Variants in CCDC18 observed in about 807,000 individuals in gnomAD.
CCDC18 encodes the protein coiled-coil domain-containing protein 18.
CCDC18 carries 157 observed loss-of-function variants against 196.0 expected under a neutral mutation model. The ratio of observed to expected loss-of-function variants is 0.80; its 90% CI spans 0.70 to 0.91. CCDC18 has a LOEUF of 0.91. Ranked by LOEUF, CCDC18 falls within the 40% of genes least tolerant of loss-of-function variation. CCDC18 has a pLI of 0.00. For missense variants in CCDC18, 1,465 were observed against 1,611.6 expected (o/e 0.91, Z 1.56); for synonymous variants, 482 against 529.2 (o/e 0.91, Z 1.22).
At chr1:93,193,891 T>C (rs1354151410) in intron 6 of CCDC18, 147 bp downstream of exon 6, 5 of 561,362 alleles carry the variant, frequency 8.9e-6, no homozygotes, top group Non-Finnish European at 1.4e-5. Flanking sequence ...CTATTAATTT[T>C]TTTAAATTTT....
chr1:93,263,455 TCTCA>T (rs1056362631), intron 26 of CCDC18, among the ~76,000 whole-genome samples: 3 of 152,160 alleles, frequency 2.0e-5, no homozygotes, highest in African/African-American at 7.2e-5. Flanking sequence ...AAATTTCTTC[TCTCA>T]GAGACCCTAA....
rs768798172 is a variant in CCDC18, at chr1:93,239,747, G to C, written c.2832G>C (p.Arg944=). ...AACTAACAGAAGCCTTGCAAAAACG[G>C]GAAGTACTTGAGACTGAACTACAAA... ...ETELTEALQK[R]EVLETELQNA... The change falls in exon 21 of 29, where the codon CGG becomes CGC. Residue 944 remains arginine (R), a synonymous_variant. Coordinates refer to ENST00000690025, the MANE Select transcript of CCDC18 (RefSeq NM_001378204.1). 25 of 1,613,596 alleles carry C rather than the reference G, an allele frequency of 1.5e-5. No homozygotes were observed. The East Asian group carries it at 5.6e-4, about 36-fold the overall frequency.
upstream of CCDC18, chr1:93,180,468 C>T (rs1215455108): frequency 2.1e-6 from 3 of 1,458,074 alleles, no homozygotes; most frequent in African/African-American, 4.4e-5. Context: ...CCGCCTCAGT[C>T]TCGGCCCCCT....
intron 11 of CCDC18, among the ~76,000 whole-genome samples, chr1:93,214,308 T>C (rs1388354619): frequency 6.6e-6 from 1 of 152,172 alleles, no homozygotes; most frequent in African/African-American, 2.4e-5. Context: ...GATTCACTCT[T>C]TGGAGCTTTT....
intron 26 of CCDC18, among the ~76,000 whole-genome samples, chr1:93,260,865 G>A (rs779623259): frequency 2.6e-5 from 4 of 152,190 alleles, no homozygotes; most frequent in East Asian, 1.9e-4. Flanking sequence ...GAGAACATGC[G>A]GTGTTTGGTT....
chr1:93,258,896 A>T lies in CCDC18; in HGVS notation c.3684+11A>T, dbSNP rs751579039. On this transcript the variant is annotated intron_variant, in intron 26 of 28. Coordinates refer to ENST00000690025, the MANE Select transcript of CCDC18 (RefSeq NM_001378204.1). Reference sequence around the variant, plus strand: ...GCTTATCATATGGAGGTAAAGAAAAATTTAATTTGTTTTGTTAGTGCCCAC... The same window carrying T: ...GCTTATCATATGGAGGTAAAGAAAATTTTAATTTGTTTTGTTAGTGCCCAC... 5 of 1,584,092 alleles carry T rather than the reference A, an allele frequency of 3.2e-6. No individual in the cohort carries two copies. Among genetic ancestry groups the T allele is most frequent in the Non-Finnish European group, 3.4e-6 (4 of 1,168,098 alleles).
At chr1:93,229,450 G>A (rs898455348) in intron 17 of CCDC18, among the ~76,000 whole-genome samples, 1 of 152,106 alleles carries the variant, frequency 6.6e-6, no homozygotes, top group Non-Finnish European at 1.5e-5. Context: ...ATCATATATA[G>A]CTACATTTTA....
At chr1:93,180,065 T>G (rs765790133), upstream of CCDC18, 2 of 1,612,970 alleles carry the variant, frequency 1.2e-6, no homozygotes, top group East Asian at 4.5e-5. Context: ...TGGTACTCGA[T>G]CTCCAGCGAG....
At chr1:93,226,835 A>C (rs1371712612) in intron 17 of CCDC18, among the ~76,000 whole-genome samples, 1 of 151,986 alleles carries the variant, frequency 6.6e-6, no homozygotes, top group Non-Finnish European at 1.5e-5. Flanking sequence ...TGCCTGGCCA[A>C]AATAATATCT....
chr1:93,268,303 G>T (rs993904881), intron 27 of CCDC18, among the ~76,000 whole-genome samples: 3 of 152,110 alleles, frequency 2.0e-5, no homozygotes, highest in African/African-American at 4.8e-5. Context: ...TTAAATGTTA[G>T]ACCTAAAACT....
intron 12 of CCDC18, among the ~76,000 whole-genome samples, chr1:93,215,624 G>GT (rs1204979024): frequency 6.6e-6 from 1 of 151,712 alleles, no homozygotes; most frequent in African/African-American, 2.4e-5. Context: ...GTCCAGCTAA[G>GT]TTTTTTTATT....
chr1:93,180,868 G>C lies in CCDC18; in HGVS notation c.-3+16G>C, dbSNP rs764752024. 19 of 1,365,450 alleles carry C rather than the reference G, an allele frequency of 1.4e-5. No individual in the cohort carries two copies. Among genetic ancestry groups the C allele is most frequent in the Non-Finnish European group, 1.9e-5 (19 of 1,021,950 alleles). 84.6% of individuals were successfully genotyped at this position (1,365,450 alleles called of 1,614,324 possible). A position where few individuals can be genotyped will look rare whatever the true frequency, so the allele number is the denominator to read the frequency against. On this transcript the variant is annotated intron_variant, in intron 1 of 28. Coordinates refer to ENST00000690025, the MANE Select transcript of CCDC18 (RefSeq NM_001378204.1). ...CAGTCGCCGGGTGGGTCTCTCCCCA[G>C]CGACGATTTGGGTGGTGAGCGACTG...
At chr1:93,195,231 T>C (rs1301054974) in intron 6 of CCDC18, among the ~76,000 whole-genome samples, 1 of 152,158 alleles carries the variant, frequency 6.6e-6, no homozygotes, top group African/African-American at 2.4e-5. Context: ...CTGGGCAGCA[T>C]GTGCAAAGGT....
At chr1:93,220,195 T>A (rs1657176290) in intron 14 of CCDC18, among the ~76,000 whole-genome samples, 1 of 152,162 alleles carries the variant, frequency 6.6e-6, no homozygotes, top group Non-Finnish European at 1.5e-5. Flanking sequence ...TGCAGATTTC[T>A]CATCAAAAAC....
In CCDC18 at chr1:93,180,789, G is replaced by A. The variant is rs753404655; in HGVS notation, c.-66G>A. On this transcript the variant is annotated 5_prime_UTR_variant, in exon 1 of 29. Coordinates refer to ENST00000690025, the MANE Select transcript of CCDC18 (RefSeq NM_001378204.1). Reference sequence around the variant, plus strand: ...GTTGTGTCCGAGGCTTCCACGCGCAGGGGCCCGGGAAAGGGTCAGAGGCTT... The same window carrying A: ...GTTGTGTCCGAGGCTTCCACGCGCAAGGGCCCGGGAAAGGGTCAGAGGCTT... 1.5e-6 allele frequency: 2 copies of A among 1,367,758 alleles called. No individual in the cohort carries two copies. The highest frequency in any genetic ancestry group is 1.9e-5 in the Admixed American group (1 of 52,590). The allele number at this position is 1,367,758 out of a possible 1,614,324, so 84.7% of individuals were successfully genotyped here. A position where few individuals can be genotyped will look rare whatever the true frequency, so the allele number is the denominator to read the frequency against.
chr1:93,200,244 G>A (rs1265087580), intron 6 of CCDC18, among the ~76,000 whole-genome samples: 1 of 151,574 alleles, frequency 6.6e-6, no homozygotes, highest in Non-Finnish European at 1.5e-5. Context: ...TAAACTGTTT[G>A]GAATACAGGC....
At chr1:93,270,230 A>C in intron 27 of CCDC18, 117 bp from the exon 28 acceptor site, 1 of 656,068 alleles carries the variant, frequency 1.5e-6, no homozygotes, top group Non-Finnish European at 2.6e-6. Context: ...AAGAATTATA[A>C]ACAGAATTCC....
chr1:93,190,286 G>A (rs1292433132), intron 4 of CCDC18, among the ~76,000 whole-genome samples: 1 of 152,160 alleles, frequency 6.6e-6, no homozygotes, highest in East Asian at 1.9e-4. Context: ...TTAAGAGATC[G>A]AGACCATCCT....
chr1:93,191,242 T>G (rs1651734434), intron 4 of CCDC18, among the ~76,000 whole-genome samples: 1 of 152,232 alleles, frequency 6.6e-6, no homozygotes, highest in Non-Finnish European at 1.5e-5. Context: ...TTCCTGCTCA[T>G]TACTCTTAGT....
Sources: gnomAD v4.1 joint callset for allele counts (sites outside exome capture counted in the v4.1 genomes callset) on GRCh38, gnomAD v4.1.1 for gene constraint, MANE v1.5 for transcripts, NCBI Gene and HGNC (gene_info 2026-07-23, HGNC 2026-07-21) for gene names.